The following CHSY3 variants were observed in gnomAD, a reference collection of about 807,000 sequenced individuals.
CHSY3 encodes N-acetylgalactosaminyl-proteoglycan 3-beta-glucuronosyltransferase 3.
A neutral mutation model predicts 67.2 loss-of-function variants in CHSY3; 35 were observed. That is an observed-to-expected ratio of 0.52 (90% CI 0.40 to 0.69). The LOEUF (loss-of-function observed/expected upper bound fraction) is 0.69, where lower values mean the gene tolerates loss of function less well. Among genes scored for constraint, CHSY3 ranks in the 30% least tolerant of loss-of-function variants. CHSY3 has a pLI of 0.00. For synonymous variants in CHSY3, 474 were observed against 434.7 expected, an observed-to-expected ratio of 1.09 and a Z score of -1.12; for missense variants, 1,069 against 1,138.5, an observed-to-expected ratio of 0.94 and a Z score of 0.88.
chr5:130,046,089 G>A (rs1022619536), intron 2 of CHSY3, among the ~76,000 whole-genome samples: 7 of 152,010 alleles, frequency 4.6e-5, no homozygotes, highest in African/African-American at 9.7e-5. Flanking sequence ...TTATACCCAC[G>A]TCTTGAAAAC....
chr5:130,070,211 C>G (rs1766013234), intron 2 of CHSY3, among the ~76,000 whole-genome samples: 2 of 152,072 alleles, frequency 1.3e-5, no homozygotes, highest in South Asian at 4.1e-4. Flanking sequence ...GAAAATACTT[C>G]TCTTCATGAA....
intron 2 of CHSY3, among the ~76,000 whole-genome samples, chr5:130,115,710 T>C (rs1767770136): frequency 6.6e-6 from 1 of 152,230 alleles, no homozygotes; most frequent in Non-Finnish European, 1.5e-5. Context: ...TATTGTAGCA[T>C]TGACTTCTTG....
chr5:130,143,784 G>GTATATATA lies in CHSY3; in HGVS notation c.1087-40431_1087-40424dup, dbSNP rs71000950. Among the ~76,000 whole-genome samples, 105 of 73,828 alleles carry GTATATATA rather than the reference G, an allele frequency of 1.4e-3. 2 individuals are homozygous for GTATATATA. The highest frequency in any genetic ancestry group is 0.014 in the East Asian group (23 of 1,618). The allele number at this position is 73,828 out of a possible 152,430, so 48.4% of individuals were successfully genotyped here. ...TGTGTGTGTGTATATATATATATGT[G>GTATATATA]TATATATATATATATATATATGTGT... On this transcript the variant is annotated intron_variant, in intron 2 of 2. Coordinates refer to ENST00000305031, the MANE Select transcript of CHSY3 (RefSeq NM_175856.5).
intron 2 of CHSY3, among the ~76,000 whole-genome samples, chr5:130,005,208 A>G (rs1763841196): frequency 6.6e-6 from 1 of 152,054 alleles, no homozygotes; most frequent in African/African-American, 2.4e-5. Context: ...TGAGGTCAGG[A>G]GATCGAGACC....
Position 130,184,878 on chromosome 5 carries a change from A to G in CHSY3, c.1736A>G (p.Asp579Gly). 1 of 1,579,430 alleles carries G rather than the reference A, an allele frequency of 6.3e-7. No homozygotes were observed. The highest frequency in any genetic ancestry group is 1.1e-5 in the South Asian group (1 of 90,410). ...KPFFRETEEL[D>G]VNSLVESINS... ...TTCTTCAGAGAGACCGAAGAGCTAG[A>G]TGTCAACAGTCTTGTGGAGAGTATT... Residue 579 changes from aspartate to glycine, a missense_variant, in exon 3 of 3, where the codon GAT (aspartate) becomes GGT (glycine). Coordinates refer to ENST00000305031, the MANE Select transcript of CHSY3 (RefSeq NM_175856.5).
chr5:130,062,770 G>GT (rs141371098), intron 2 of CHSY3, among the ~76,000 whole-genome samples: 8,763 of 151,102 alleles, frequency 0.058, 357 homozygotes, highest in Non-Finnish European at 0.082. Context: ...AGTTTATGAA[G>GT]TTTTTTTTTA....
intron 2 of CHSY3, among the ~76,000 whole-genome samples, chr5:130,143,810 GTATATATATATATATATATATATATATA>G (rs61284287): frequency 3.7e-4 from 21 of 56,488 alleles, no homozygotes; most frequent in Non-Finnish European, 4.4e-4. Context: ...ATATATGTGT[GTATATATATATATATATATATATATATA>G]TATATATATG....
chr5:130,151,133 C>T lies in CHSY3; in HGVS notation c.1087-33096C>T, dbSNP rs1040283275. Among the ~76,000 whole-genome samples the T allele has an allele frequency of 2.0e-5, 3 of 152,168 alleles. No homozygotes were observed. In the South Asian group the frequency reaches 6.2e-4, roughly 31 times the overall value. On this transcript the variant is annotated intron_variant, in intron 2 of 2. Transcript: ENST00000305031. Reference sequence around the variant, plus strand: ...TGTGGGGATTATGGGTGTCATATTTCTGTGATAGGTTATACATTTGGAATG... The same window carrying T: ...TGTGGGGATTATGGGTGTCATATTTTTGTGATAGGTTATACATTTGGAATG...
At chr5:130,097,851 A>G (rs1767100871) in intron 2 of CHSY3, among the ~76,000 whole-genome samples, 1 of 151,946 alleles carries the variant, frequency 6.6e-6, no homozygotes. Flanking sequence ...AAAATACAAA[A>G]AGAAATTAGC....
intron 2 of CHSY3, among the ~76,000 whole-genome samples, chr5:130,171,794 C>T (rs973665243): frequency 2.0e-5 from 3 of 151,448 alleles, no homozygotes; most frequent in African/African-American, 7.2e-5. Context: ...ACTAATTAAA[C>T]AGAAGGAAAA....
At chr5:129,918,529 T>C (rs1448101959) in intron 2 of CHSY3, among the ~76,000 whole-genome samples, 1 of 152,162 alleles carries the variant, frequency 6.6e-6, no homozygotes, top group African/African-American at 2.4e-5. Flanking sequence ...TGGCGGAAAG[T>C]ACAGGATACA....
At chr5:130,104,764 TG>T (rs1474703384) in intron 2 of CHSY3, among the ~76,000 whole-genome samples, 3 of 151,932 alleles carry the variant, frequency 2.0e-5, no homozygotes, top group Non-Finnish European at 4.4e-5. Flanking sequence ...AGTGCATGAC[TG>T]TAATAGATCC....
chr5:129,966,414 G>A (rs139215536), intron 2 of CHSY3, among the ~76,000 whole-genome samples: 1 of 151,852 alleles, frequency 6.6e-6, no homozygotes, highest in East Asian at 1.9e-4. Context: ...CCAGATAACC[G>A]TTATCTCTCT....
intron 2 of CHSY3, among the ~76,000 whole-genome samples, chr5:130,147,259 T>C (rs142152391): frequency 1.3e-5 from 2 of 152,348 alleles, no homozygotes; most frequent in Non-Finnish European, 2.9e-5. Context: ...GATATCATTC[T>C]TCATGGATAC....
At chr5:130,135,277 T>G (rs1239065382) in intron 2 of CHSY3, among the ~76,000 whole-genome samples, 2 of 151,640 alleles carry the variant, frequency 1.3e-5, no homozygotes, top group Admixed American at 6.6e-5. Context: ...TGTGTATATA[T>G]ATATATACAC....
rs565056597 is a variant in CHSY3 at position 130,012,309 on chromosome 5, G to A, written c.1086+103949G>A. Among the ~76,000 whole-genome samples the A allele has an allele frequency of 5.9e-5, 9 of 152,270 alleles. 1 individual carries two copies. The South Asian group carries it at 1.9e-3, about 32-fold the overall frequency. ...TAAAGCTGCACACCTACAAGCATCA[G>A]ATCTTATACAAAGCCAACAAAAACA... On this transcript the variant is annotated intron_variant, in intron 2 of 2. Coordinates refer to ENST00000305031, the MANE Select transcript of CHSY3 (RefSeq NM_175856.5).
At chr5:130,054,502 A>G (rs999522654) in intron 2 of CHSY3, among the ~76,000 whole-genome samples, 3 of 152,176 alleles carry the variant, frequency 2.0e-5, no homozygotes, top group Admixed American at 2.0e-4. Context: ...CCAGAGCCCC[A>G]TGGCCTCTGA....
intron 2 of CHSY3, among the ~76,000 whole-genome samples, chr5:129,918,775 T>TA (rs1278675631): frequency 6.6e-6 from 1 of 150,778 alleles, no homozygotes; most frequent in Non-Finnish European, 1.5e-5. Flanking sequence ...TTCAAAGGTT[T>TA]AGATCATACA....
chr5:130,173,784 AT>A (rs1433620441), intron 2 of CHSY3, among the ~76,000 whole-genome samples: 2 of 152,004 alleles, frequency 1.3e-5, no homozygotes, highest in Non-Finnish European at 2.9e-5. Context: ...TGAAATATGT[AT>A]GTTTATTTTC....
Sources: allele counts gnomAD v4.1 joint callset (sites outside exome capture counted in the v4.1 genomes callset), GRCh38; gene constraint gnomAD v4.1.1; transcripts MANE v1.5; gene names NCBI Gene and HGNC (gene_info 2026-07-23, HGNC 2026-07-21).